Variants in AOPEP observed in about 807,000 individuals in gnomAD.
AOPEP encodes the protein aminopeptidase O (putative).
A neutral mutation model predicts 98.1 loss-of-function variants in AOPEP; 77 were observed. That is an observed-to-expected ratio of 0.78 (90% confidence interval 0.65 to 0.95). The LOEUF is 0.95. Among genes scored for constraint, AOPEP ranks in the 40% least tolerant of loss-of-function variants. AOPEP has a pLI of 0.00. For synonymous variants in AOPEP, 346 were observed against 365.3 expected, an observed-to-expected ratio of 0.95 and a Z score of 0.60; for missense variants, 1,024 against 1,024.7, an observed-to-expected ratio of 1.00 and a Z score of 0.01.
the AOPEP span, chr9:95,126,401 A>G: frequency 5.5e-6 from 5 of 914,104 alleles, no homozygotes; most frequent in Admixed American, 8.0e-5. Context: ...GCTCAGAGGA[A>G]CAGGAGGGAA....
chr9:95,055,849 T>C (rs2066768725), intron 13 of AOPEP, among the ~76,000 whole-genome samples: 1 of 152,224 alleles, frequency 6.6e-6, no homozygotes, highest in Non-Finnish European at 1.5e-5. Flanking sequence ...CCAGCAAGTC[T>C]CCAGCATACA....
At chr9:94,999,270 G>A (rs1265999876) in intron 11 of AOPEP, among the ~76,000 whole-genome samples, 2 of 152,064 alleles carry the variant, frequency 1.3e-5, no homozygotes, top group East Asian at 3.9e-4. Flanking sequence ...GAAAAATGAA[G>A]CAACATGAAA....
intron 10 of AOPEP, among the ~76,000 whole-genome samples, chr9:94,974,155 A>G (rs911224876): frequency 3.9e-5 from 6 of 152,188 alleles, no homozygotes; most frequent in African/African-American, 1.2e-4. Context: ...ACATTGTCCT[A>G]TGGTGTCCCA....
chr9:94,948,431 T>TTTTTTTTTTTTTGAGACGGA (rs2057846509), intron 7 of AOPEP, among the ~76,000 whole-genome samples: 1 of 151,158 alleles, frequency 6.6e-6, no homozygotes, highest in African/African-American at 2.5e-5. Flanking sequence ...TTCTAACTCT[T>TTTTTTTTTTTTTGAGACGGA]GTAGTTCATC....
chr9:95,042,722 G>C (rs2065443584), intron 13 of AOPEP, among the ~76,000 whole-genome samples: 1 of 152,138 alleles, frequency 6.6e-6, no homozygotes, highest in South Asian at 2.1e-4. Context: ...TCACACTGCT[G>C]TCTTTTTGGT....
rs574235712 is a variant in AOPEP, at chr9:94,969,415, CTTTT to C, written c.1916+1627_1916+1630del. On this transcript the variant is annotated intron_variant, in intron 10 of 16. Coordinates refer to ENST00000375315, the MANE Select transcript of AOPEP (RefSeq NM_001193329.3). ...AAGTGAATACCCTGAAACATAATTT[CTTTT>C]TTTTTTTTTTTTGAGGAGTCTTACT... Among the ~76,000 whole-genome samples, 6 of 139,656 alleles carry C rather than the reference CTTTT, an allele frequency of 4.3e-5. No individual in the cohort carries two copies. The East Asian group carries it at 1.2e-3, about 29-fold the overall frequency. The allele number at this position is 139,656 out of a possible 152,430, so 91.6% of individuals were successfully genotyped here. A position where few individuals can be genotyped will look rare whatever the true frequency, so the allele number is the denominator to read the frequency against.
chr9:94,731,292 A>G (rs1830469497), intron 1 of AOPEP, among the ~76,000 whole-genome samples: 1 of 150,390 alleles, frequency 6.6e-6, no homozygotes, highest in African/African-American at 2.5e-5. Context: ...CAGTGGCGCG[A>G]TCTCGGCTCA....
chr9:94,818,802 G>A (rs1435017698), intron 5 of AOPEP, among the ~76,000 whole-genome samples: 1 of 152,140 alleles, frequency 6.6e-6, no homozygotes, highest in Non-Finnish European at 1.5e-5. Flanking sequence ...AGACCATCCT[G>A]GCTAACACAG....
intron 2 of AOPEP, among the ~76,000 whole-genome samples, chr9:94,768,928 G>A (rs970275587): frequency 2.0e-5 from 3 of 152,260 alleles, no homozygotes; most frequent in Non-Finnish European, 1.5e-5. Context: ...CAACATGGCC[G>A]AGGTGCAAGG....
intron 5 of AOPEP, among the ~76,000 whole-genome samples, chr9:94,908,096 A>G (rs959575181): frequency 7.2e-5 from 11 of 152,332 alleles, no homozygotes; most frequent in African/African-American, 2.4e-4. Flanking sequence ...TTAACAGAGC[A>G]GAAGCTTCTC....
At chr9:94,962,552 A>G (rs899434507) in intron 9 of AOPEP, among the ~76,000 whole-genome samples, 2 of 152,086 alleles carry the variant, frequency 1.3e-5, no homozygotes, top group Non-Finnish European at 2.9e-5. Context: ...TGCTGGTTAC[A>G]TTTTTAATTA....
At chr9:94,768,556 C>T (rs1044004606) in intron 2 of AOPEP, among the ~76,000 whole-genome samples, 1 of 152,248 alleles carries the variant, frequency 6.6e-6, no homozygotes, top group African/African-American at 2.4e-5. Context: ...TTTGACCACT[C>T]TGCAAATGCA....
the AOPEP span, among the ~76,000 whole-genome samples, chr9:95,112,547 C>G: frequency 6.6e-6 from 1 of 152,228 alleles, no homozygotes; most frequent in African/African-American, 2.4e-5. Flanking sequence ...ATGGTCAGAG[C>G]TGATGCTCTG....
chr9:94,758,507 G>T (rs1044543063), intron 1 of AOPEP, among the ~76,000 whole-genome samples: 1 of 152,218 alleles, frequency 6.6e-6, no homozygotes, highest in African/African-American at 2.4e-5. Context: ...TAGAGATGCA[G>T]ATAAAGCTGG....
chr9:95,136,029 C>T, the AOPEP span, among the ~76,000 whole-genome samples: 1 of 152,166 alleles, frequency 6.6e-6, no homozygotes, highest in African/African-American at 2.4e-5. Flanking sequence ...CAGTGATTAG[C>T]ACAGTGCTTG....
chr9:95,115,694 G>A, the AOPEP span, among the ~76,000 whole-genome samples: 3 of 152,202 alleles, frequency 2.0e-5, no homozygotes, highest in East Asian at 1.9e-4. Flanking sequence ...AAGGTAAGGC[G>A]AGTGATGGAC....
chr9:94,864,417 G>T (rs1259864023), intron 5 of AOPEP, among the ~76,000 whole-genome samples: 2 of 152,148 alleles, frequency 1.3e-5, no homozygotes, highest in African/African-American at 4.8e-5. Flanking sequence ...CTTTTGGATT[G>T]TGCCAGTAAA....
chr9:94,971,721 C>T (rs917707088), intron 10 of AOPEP, among the ~76,000 whole-genome samples: 1 of 152,210 alleles, frequency 6.6e-6, no homozygotes, highest in Non-Finnish European at 1.5e-5. Context: ...CTCTATTGAG[C>T]ATCTCCCATA....
chr9:95,111,529 G>A, the AOPEP span: 1 of 1,614,146 alleles, frequency 6.2e-7, no homozygotes, highest in Non-Finnish European at 8.5e-7. Context: ...GCCACAGCAG[G>A]GCCGTGGGGG....
Sources: gnomAD v4.1 joint callset for allele counts (sites outside exome capture counted in the v4.1 genomes callset) on GRCh38, gnomAD v4.1.1 for gene constraint, MANE v1.5 for transcripts, NCBI Gene and HGNC (gene_info 2026-07-23, HGNC 2026-07-21) for gene names.